Variants in PKIB observed in about 807,000 individuals in gnomAD.
PKIB encodes the protein cAMP-dependent protein kinase inhibitor beta, also known as PKI-beta.
Under a neutral mutation model 4.5 loss-of-function variants are expected in PKIB, and 2 were observed. The ratio of observed to expected loss-of-function variants is 0.44; its 90% CI spans 0.18 to 1.39. PKIB has a LOEUF of 1.39. Among genes scored for constraint, PKIB ranks in the 40% most tolerant of loss-of-function variants. PKIB has a pLI of 0.27. For synonymous variants in PKIB, 38 were observed against 36.0 expected (o/e 1.06, Z -0.20); for missense variants, 94 against 92.6 (o/e 1.02, Z -0.06).
intron 2 of PKIB, among the ~76,000 whole-genome samples, chr6:122,577,708 G>A (rs1017507636): frequency 6.6e-6 from 1 of 152,000 alleles, no homozygotes; most frequent in African/African-American, 2.4e-5. Flanking sequence ...AGGAGATCGA[G>A]ACCATCCTGG....
chr6:122,627,596 AC>A (rs1310771967), intron 1 of PKIB, among the ~76,000 whole-genome samples: 16 of 152,046 alleles, frequency 1.1e-4, no homozygotes, highest in South Asian at 4.2e-4. Context: ...GGTGTATCTG[AC>A]TCTTTTTTCT....
At chr6:122,544,339 T>C (rs1772416295) in intron 2 of PKIB, among the ~76,000 whole-genome samples, 2 of 151,102 alleles carry the variant, frequency 1.3e-5, no homozygotes, top group South Asian at 4.2e-4. Context: ...AAGTGAAAAG[T>C]CATATACTTA....
At chr6:122,716,331 C>G (rs1779495648) in intron 3 of PKIB, among the ~76,000 whole-genome samples, 1 of 152,136 alleles carries the variant, frequency 6.6e-6, no homozygotes, top group Admixed American at 6.5e-5. Flanking sequence ...AACAATATCA[C>G]CTTCCAAGTC....
chr6:122,514,493 C>T (rs1057361209), intron 2 of PKIB, among the ~76,000 whole-genome samples: 6 of 152,100 alleles, frequency 3.9e-5, no homozygotes, highest in Non-Finnish European at 7.3e-5. Context: ...AACAAGCTAC[C>T]GCTGGCAAAA....
intron 3 of PKIB, among the ~76,000 whole-genome samples, chr6:122,704,084 G>T (rs1218587459): frequency 1.3e-5 from 2 of 151,844 alleles, no homozygotes; most frequent in African/African-American, 4.8e-5. Flanking sequence ...TGATAACCGG[G>T]AGACCCACTA....
At position 122,587,190 on chromosome 6, in the gene PKIB, C is replaced by T. The variant is rs556900927; in HGVS notation, c.-161+1183C>T. 3.9e-5 allele frequency among the ~76,000 whole-genome samples: 6 copies of T among 152,216 alleles called. No homozygotes were observed. The East Asian group carries it at 9.7e-4, about 25-fold the overall frequency. Reference sequence around the variant, plus strand: ...ATCCCTCCCCCGTCCTCCCACTCCACAATAGGCCCCGGTATGTGATGTTCC... The same window carrying T: ...ATCCCTCCCCCGTCCTCCCACTCCATAATAGGCCCCGGTATGTGATGTTCC... On this transcript the variant is annotated intron_variant, in intron 3 of 6. Transcript: ENST00000392491.
intron 3 of PKIB, chr6:122,701,351 A>G (rs4382328): frequency 0.44 from 456,155 of 1,044,878 alleles, 107,204 homozygotes; most frequent in Non-Finnish European, 0.49. Context: ...CAGGCTAGAC[A>G]TGGTGATCAG....
intron 2 of PKIB, among the ~76,000 whole-genome samples, chr6:122,545,227 G>C (rs996641647): frequency 5.3e-5 from 8 of 151,884 alleles, no homozygotes; most frequent in Non-Finnish European, 1.2e-4. Context: ...GCAAAGATAC[G>C]GAATCAACCT....
chr6:122,544,273 A>G (rs1296603165), intron 2 of PKIB, among the ~76,000 whole-genome samples: 2 of 152,040 alleles, frequency 1.3e-5, no homozygotes, highest in African/African-American at 2.4e-5. Flanking sequence ...ATAAACTTAC[A>G]CAAACTTTTG....
intron 2 of PKIB, among the ~76,000 whole-genome samples, chr6:122,527,290 C>T (rs969493111): frequency 1.3e-5 from 2 of 152,048 alleles, no homozygotes; most frequent in Non-Finnish European, 2.9e-5. Flanking sequence ...ACTAGAGTAG[C>T]ACTTTTCGTT....
At chr6:122,519,251 A>G (rs2114596033) in intron 2 of PKIB, among the ~76,000 whole-genome samples, 1 of 152,186 alleles carries the variant, frequency 6.6e-6, no homozygotes, top group Admixed American at 6.5e-5. Flanking sequence ...ATGAGATTCT[A>G]ATGCCTGATG....
At chr6:122,665,545 A>G (rs1240951024) in intron 2 of PKIB, among the ~76,000 whole-genome samples, 1 of 152,218 alleles carries the variant, frequency 6.6e-6, no homozygotes, top group Non-Finnish European at 1.5e-5. Context: ...AATAGCAATG[A>G]CAATGTTAGG....
chr6:122,594,144 T>G lies in PKIB; in HGVS notation c.-161+8137T>G, dbSNP rs943074245. On this transcript the variant is annotated intron_variant, in intron 3 of 6. Coordinates refer to the PKIB transcript ENST00000392491. ...GCTATTACATAAAGTTAACAATACT[T>G]AAATGCTGATGTGAAGTCAATAAAT... is the stretch of plus-strand genomic sequence containing the variant. Among the ~76,000 whole-genome samples the G allele has an allele frequency of 3.9e-5, 6 of 151,930 alleles. No homozygotes were observed. The East Asian group carries it at 1.2e-3, about 29-fold the overall frequency.
intron 3 of PKIB, among the ~76,000 whole-genome samples, chr6:122,707,187 CT>C (rs1002342484): frequency 2.0e-5 from 3 of 151,912 alleles, no homozygotes; most frequent in African/African-American, 7.2e-5. Flanking sequence ...GTTGTTTGCC[CT>C]TTGGTTGGGA....
intron 2 of PKIB, among the ~76,000 whole-genome samples, chr6:122,520,807 A>G (rs1776919875): frequency 6.6e-6 from 1 of 152,164 alleles, no homozygotes; most frequent in African/African-American, 2.4e-5. Flanking sequence ...TTTTTTGCCA[A>G]TGAGAAATAA....
intron 1 of PKIB, among the ~76,000 whole-genome samples, 187 bp downstream of exon 1, chr6:122,610,722 A>C (rs1320717197): frequency 6.6e-6 from 1 of 152,198 alleles, no homozygotes; most frequent in Non-Finnish European, 1.5e-5. Context: ...GGGCGACCCG[A>C]TCCATCGTTT....
rs548436062 is a variant in PKIB at position 122,717,935 on chromosome 6, C to T, written c.141C>T (p.Leu47=). ...CAGACGGAACCTCAGATTTGCCCCT[C>T]AAACTGGAGGCTCTCTCCGTGAAGG... is the stretch of plus-strand genomic sequence containing the variant. ...AATDGTSDLP[L]KLEALSVKED... The change falls in exon 4 of 5, where the codon CTC becomes CTT. Residue 47 remains leucine (L), a synonymous_variant. Coordinates refer to ENST00000368452, the MANE Select transcript of PKIB (RefSeq NM_181795.3). 1.9e-6 allele frequency: 3 copies of T among 1,613,762 alleles called. No homozygotes were observed. The highest frequency in any genetic ancestry group is 2.5e-6 in the Non-Finnish European group (3 of 1,179,712).
At chr6:122,539,523 G>A (rs1217625163) in intron 2 of PKIB, among the ~76,000 whole-genome samples, 2 of 152,034 alleles carry the variant, frequency 1.3e-5, no homozygotes, top group East Asian at 3.8e-4. Flanking sequence ...TGCATCCCAG[G>A]GATGAAGCCT....
intron 2 of PKIB, among the ~76,000 whole-genome samples, chr6:122,560,768 A>G (rs1772989183): frequency 6.6e-6 from 1 of 151,854 alleles, no homozygotes; most frequent in South Asian, 2.1e-4. Context: ...ATTTAAGTTA[A>G]GAGGGTTGTA....
Sources: gnomAD v4.1 joint callset for allele counts (sites outside exome capture counted in the v4.1 genomes callset) on GRCh38, gnomAD v4.1.1 for gene constraint, MANE v1.5 for transcripts, NCBI Gene and HGNC (gene_info 2026-07-23, HGNC 2026-07-21) for gene names.